KLHL20: variants seen among roughly 807,000 people sequenced by gnomAD.
The protein encoded by KLHL20 is kelch like family member 20.
Under a neutral mutation model 69.5 loss-of-function variants are expected in KLHL20, and 29 were observed. The ratio of observed to expected loss-of-function variants is 0.42; its 90% CI spans 0.31 to 0.57. KLHL20 has a LOEUF of 0.57. Among genes scored for constraint, KLHL20 ranks in the 20% least tolerant of loss-of-function variants. KLHL20 has a pLI of 0.18. For synonymous variants in KLHL20, 253 were observed against 265.2 expected (o/e 0.95, Z 0.45); for missense variants, 419 against 776.0 (o/e 0.54, Z 5.47).
intron 7 of KLHL20, among the ~76,000 whole-genome samples, chr1:173,764,558 A>C (rs1306316725): frequency 6.6e-6 from 1 of 152,200 alleles, no homozygotes; most frequent in Admixed American, 6.5e-5. Flanking sequence ...AAAAGGAATG[A>C]ATTAACAGCA....
At chr1:173,743,136 G>A (rs1672902881) in intron 3 of KLHL20, among the ~76,000 whole-genome samples, 1 of 147,030 alleles carries the variant, frequency 6.8e-6, no homozygotes, top group South Asian at 2.1e-4. Context: ...AAAAAAAAAG[G>A]TGGTCAAATG....
intron 8 of KLHL20, among the ~76,000 whole-genome samples, chr1:173,771,601 T>C (rs1648095732): frequency 6.6e-6 from 1 of 152,016 alleles, no homozygotes; most frequent in Non-Finnish European, 1.5e-5. Context: ...TAAAAATGTA[T>C]ATATGTATAT....
At chr1:173,736,890 C>G (rs1672564262) in intron 3 of KLHL20, among the ~76,000 whole-genome samples, 1 of 152,158 alleles carries the variant, frequency 6.6e-6, no homozygotes, top group Non-Finnish European at 1.5e-5. Flanking sequence ...GCCACCGCAC[C>G]CGGCCTATGT....
At chr1:173,745,464 A>G (rs891374502) in intron 3 of KLHL20, among the ~76,000 whole-genome samples, 1 of 152,122 alleles carries the variant, frequency 6.6e-6, no homozygotes, top group Admixed American at 6.5e-5. Flanking sequence ...CACCCAGCCT[A>G]CATTTCCTTT....
Position 173,786,598 on chromosome 1 carries a change from A to G in KLHL20, c.*1351A>G, listed in dbSNP as rs1342786126. 1 of 152,614 alleles carries G rather than the reference A, an allele frequency of 6.6e-6. No individual in the cohort carries two copies. Among genetic ancestry groups the G allele is most frequent in the Non-Finnish European group, 1.5e-5 (1 of 68,006 alleles). The allele number at this position is 152,614 out of a possible 1,614,324, so 9.5% of individuals were successfully genotyped here. A position where few individuals can be genotyped will look rare whatever the true frequency, so the allele number is the denominator to read the frequency against. On this transcript the variant is annotated 3_prime_UTR_variant, in exon 12 of 12. Transcript: ENST00000209884. ...ATTTGCACCTTTTTCAAGGAAAAAA[A>G]GTATTGAGTAAACAATTGTTTACAT...
Position 173,774,354 on chromosome 1 carries a change from A to G in KLHL20, c.1345A>G (p.Arg449Gly). The G allele has an allele frequency of 6.2e-7, 1 of 1,614,182 alleles. No individual in the cohort carries two copies. Among genetic ancestry groups the G allele is most frequent in the Non-Finnish European group, 8.5e-7 (1 of 1,180,038 alleles). The change falls in exon 9 of 12, where the codon AGA (arginine) becomes GGA (glycine). Residue 449 changes from arginine (R) to glycine (G), a missense_variant. Arg to Gly is a moderately radical substitution (Grantham distance 125). Coordinates refer to ENST00000209884, the MANE Select transcript of KLHL20 (RefSeq NM_014458.4). ...GACTCGGGTAGCTTCTATGAGTACC[A>G]GAAGACTAGGTGTGGCTGTGGCTGT... ...KWTRVASMST[R>G]RLGVAVAVLG...
chr1:173,761,694 G>T (rs12070556), intron 7 of KLHL20, among the ~76,000 whole-genome samples: 1 of 152,076 alleles, frequency 6.6e-6, no homozygotes, highest in African/African-American at 2.4e-5. Flanking sequence ...CTTAATGACA[G>T]TAATGACACA....
At chr1:173,727,628 G>C (rs1672041379) in intron 2 of KLHL20, among the ~76,000 whole-genome samples, 1 of 152,144 alleles carries the variant, frequency 6.6e-6, no homozygotes, top group Non-Finnish European at 1.5e-5. Flanking sequence ...TTTCAACCCA[G>C]AATTTCATAT....
intron 6 of KLHL20, 44 bp downstream of exon 6, chr1:173,756,082 G>C (rs765434802): frequency 4.5e-6 from 6 of 1,348,112 alleles, no homozygotes; most frequent in Non-Finnish European, 6.3e-6. Context: ...TATTTTCCCA[G>C]GTGAGAAACT....
chr1:173,725,103 G>T (rs1276918419), intron 2 of KLHL20, among the ~76,000 whole-genome samples: 2 of 151,758 alleles, frequency 1.3e-5, no homozygotes, highest in Non-Finnish European at 2.9e-5. Flanking sequence ...TCTGTATTTG[G>T]TGAGTTTCTT....
intron 2 of KLHL20, among the ~76,000 whole-genome samples, chr1:173,719,414 C>T (rs888344201): frequency 6.6e-6 from 1 of 151,932 alleles, no homozygotes; most frequent in Non-Finnish European, 1.5e-5. Flanking sequence ...AGATCGAGAC[C>T]ATCCTGGCCA....
intron 3 of KLHL20, among the ~76,000 whole-genome samples, chr1:173,739,738 G>T (rs780263010): frequency 7.1e-6 from 1 of 141,612 alleles, no homozygotes; most frequent in Non-Finnish European, 1.5e-5. Context: ...TGCAACCTCT[G>T]CCTCCCGGGT....
At chr1:173,755,246 AC>A (rs1234674882) in intron 5 of KLHL20, among the ~76,000 whole-genome samples, 1 of 152,058 alleles carries the variant, frequency 6.6e-6, no homozygotes, top group Non-Finnish European at 1.5e-5. Context: ...TTTAGTAGAG[AC>A]GGGGTTTCAC....
In KLHL20 at chr1:173,782,110, T is replaced by C; in HGVS notation, c.1639-14T>C. 1.3e-6 allele frequency: 2 copies of C among 1,596,970 alleles called. No individual in the cohort carries two copies. Among genetic ancestry groups the C allele is most frequent in the Non-Finnish European group, 1.7e-6 (2 of 1,164,484 alleles). On this transcript the variant is annotated splice_polypyrimidine_tract_variant and intron_variant, in intron 10 of 11. Coordinates refer to ENST00000209884, the MANE Select transcript of KLHL20 (RefSeq NM_014458.4). ...CTAGTTTCTTCAGCAGCTTACTGTATTTTGGTTTTGTAGGTTGGCCTGGCA... is the reference window on the plus strand; with the variant it reads ...CTAGTTTCTTCAGCAGCTTACTGTACTTTGGTTTTGTAGGTTGGCCTGGCA...
chr1:173,761,264 A>G (rs934963733), intron 7 of KLHL20, among the ~76,000 whole-genome samples: 2 of 152,216 alleles, frequency 1.3e-5, no homozygotes, highest in African/African-American at 4.8e-5. Flanking sequence ...AAGAAATGAG[A>G]TAGACAGCAA....
At chr1:173,772,632 A>G (rs958292444) in intron 8 of KLHL20, among the ~76,000 whole-genome samples, 4 of 152,198 alleles carry the variant, frequency 2.6e-5, no homozygotes, top group Non-Finnish European at 4.4e-5. Context: ...AAATAAAAGG[A>G]TTGTTTCTTT....
At chr1:173,743,394 T>A (rs182922024) in intron 3 of KLHL20, among the ~76,000 whole-genome samples, 44 of 152,190 alleles carry the variant, frequency 2.9e-4, no homozygotes, top group Admixed American at 6.5e-4. Flanking sequence ...AATATTTTTA[T>A]CTGGGTAATT....
At chr1:173,753,145 C>T (rs1361980587) in intron 4 of KLHL20, 68 bp from the exon 5 acceptor site, 1 of 1,288,930 alleles carries the variant, frequency 7.8e-7, no homozygotes, top group East Asian at 2.5e-5. Context: ...TGTACTCCAG[C>T]CTAGGCAACA....
At chr1:173,775,492 G>A in intron 9 of KLHL20, 142 bp from the exon 10 acceptor site, 2 of 685,636 alleles carry the variant, frequency 2.9e-6, no homozygotes, top group South Asian at 1.8e-5. Context: ...TTGTCCAGAG[G>A]TATACAAATC....
Sources: gnomAD v4.1 joint callset for allele counts (sites outside exome capture counted in the v4.1 genomes callset) on GRCh38, gnomAD v4.1.1 for gene constraint, MANE v1.5 for transcripts, NCBI Gene and HGNC (gene_info 2026-07-23, HGNC 2026-07-21) for gene names.